Variants in AHI1 observed in about 807,000 individuals in gnomAD.
AHI1 encodes the protein Abelson helper integration site 1, also known as jouberin.
AHI1 carries 123 observed loss-of-function variants against 149.3 expected under a neutral mutation model. That is an observed-to-expected ratio of 0.82 (90% CI 0.71 to 0.96). AHI1 has a LOEUF of 0.96. Ranked by LOEUF, AHI1 falls within the 40% of genes least tolerant of loss-of-function variation. The pLI is 0.00. For missense variants in AHI1, 1,439 were observed against 1,422.7 expected, an observed-to-expected ratio of 1.01 and a Z score of -0.18; for synonymous variants, 475 against 459.8, an observed-to-expected ratio of 1.03 and a Z score of -0.42.
At chr6:135,303,826 C>T (rs1473608343) in intron 26 of AHI1, among the ~76,000 whole-genome samples, 2 of 152,192 alleles carry the variant, frequency 1.3e-5, no homozygotes, top group Non-Finnish European at 2.9e-5. Context: ...CCCCTGCTTC[C>T]CAACCCTATG....
rs559361374 is a variant in AHI1, at chr6:135,464,365, T to C, written c.750-1059A>G. Among the ~76,000 whole-genome samples the C allele has an allele frequency of 3.9e-5, 6 of 152,286 alleles. No individual in the cohort carries two copies. In the South Asian group the frequency reaches 1.2e-3, roughly 32 times the overall value. The stretch of plus-strand genomic sequence containing the variant: ...AGCTAACCCTATTTCATATTGACTA[T>C]GGCTTACCAGTCTACCACAGAGGTG... On this transcript the variant is annotated intron_variant, in intron 7 of 28. Transcript: ENST00000265602.
chr6:135,333,074 C>T (rs1450098840), intron 24 of AHI1, among the ~76,000 whole-genome samples: 1 of 152,196 alleles, frequency 6.6e-6, no homozygotes, highest in African/African-American at 2.4e-5. Context: ...CGAAGTTTTG[C>T]TCCACACATG....
Position 135,385,092 on chromosome 6 carries a change from C to A in AHI1, c.3109+9684G>T, listed in dbSNP as rs116507298. On this transcript the variant is annotated intron_variant, in intron 23 of 28. Transcript: ENST00000265602. The stretch of plus-strand genomic sequence containing the variant: ...CGACAGAGCAAGACACCATCCCCCC[C>A]ACCTCCCAAAAAAGTAAATTAATTA... Among the ~76,000 whole-genome samples, 1,095 of 152,124 alleles carry A rather than the reference C, an allele frequency of 7.2e-3. 18 individuals carry two copies. Among genetic ancestry groups the A allele is most frequent in the African/African-American group, 0.025 (1,037 of 41,496 alleles).
At chr6:135,465,679 T>C in intron 7 of AHI1, 135 bp downstream of exon 7, 1 of 649,430 alleles carries the variant, frequency 1.5e-6, no homozygotes, top group Non-Finnish European at 2.3e-6. Context: ...AAAAGTTAGC[T>C]GTTCTTATCT....
At chr6:135,289,603 C>T (rs1247579407) in intron 28 of AHI1, among the ~76,000 whole-genome samples, 1 of 151,930 alleles carries the variant, frequency 6.6e-6, no homozygotes, top group Non-Finnish European at 1.5e-5. Flanking sequence ...TTTTGACCTG[C>T]ATAATTTTAA....
At chr6:135,465,737 C>T (rs1790638175) in intron 7 of AHI1, 77 bp downstream of exon 7, 5 of 1,231,650 alleles carry the variant, frequency 4.1e-6, no homozygotes, top group Admixed American at 3.2e-5. Flanking sequence ...CTTTGTTAAA[C>T]CACAGATAAT....
At chr6:135,286,085 C>T (rs1316519807) in intron 28 of AHI1, among the ~76,000 whole-genome samples, 1 of 152,150 alleles carries the variant, frequency 6.6e-6, no homozygotes, top group Non-Finnish European at 1.5e-5. Context: ...TATTAAATAG[C>T]ATTCTTTCAT....
At position 135,364,856 on chromosome 6, in the gene AHI1, C is replaced by T. The variant is rs377764615; in HGVS notation, c.3110-6669G>A. Among the ~76,000 whole-genome samples, 140 of 152,198 alleles carry T rather than the reference C, an allele frequency of 9.2e-4. No individual in the cohort carries two copies. The East Asian group carries it at 0.023, about 25-fold the overall frequency. On this transcript the variant is annotated intron_variant, in intron 23 of 28. Coordinates refer to ENST00000265602, the MANE Select transcript of AHI1 (RefSeq NM_001134831.2). Reference sequence around the variant, plus strand: ...AGATGGCAGCAGTACCGTCCAGCTTCGGCTTGGCATCAGAGGGAGACCGTG... The same window carrying T: ...AGATGGCAGCAGTACCGTCCAGCTTTGGCTTGGCATCAGAGGGAGACCGTG...
rs189676574 is a variant in AHI1, at chr6:135,289,939, C to T, written c.3588+484G>A. 5.6e-3 allele frequency among the ~76,000 whole-genome samples: 857 copies of T among 152,040 alleles called. 2 individuals are homozygous for T. The highest frequency in any genetic ancestry group is 0.027 in the Middle Eastern group (8 of 294). The stretch of plus-strand genomic sequence containing the variant: ...CCATCCAAACACATTTTCCCACTGG[C>T]GTATCTCGGTGGAAAAAGTGGCCCA... On this transcript the variant is annotated intron_variant, in intron 28 of 28. Coordinates refer to ENST00000265602, the MANE Select transcript of AHI1 (RefSeq NM_001134831.2).
chr6:135,458,623 T>C (rs750703407), intron 8 of AHI1, among the ~76,000 whole-genome samples: 27 of 152,176 alleles, frequency 1.8e-4, no homozygotes, highest in Non-Finnish European at 3.2e-4. Context: ...CAGTTCTAGG[T>C]TGATAATCCA....
chr6:135,385,163 C>G (rs770374742), intron 23 of AHI1, among the ~76,000 whole-genome samples: 1 of 152,152 alleles, frequency 6.6e-6, no homozygotes, highest in Non-Finnish European at 1.5e-5. Context: ...ACACCAGCCT[C>G]TAGCTACCAT....
intron 14 of AHI1, among the ~76,000 whole-genome samples, chr6:135,438,943 T>G (rs559616636): frequency 6.6e-6 from 1 of 152,184 alleles, no homozygotes; most frequent in Non-Finnish European, 1.5e-5. Context: ...TAAATTTTAA[T>G]ACTAAAATGA....
At chr6:135,462,657 T>C (rs2128091599) in intron 8 of AHI1, among the ~76,000 whole-genome samples, 1 of 152,160 alleles carries the variant, frequency 6.6e-6, no homozygotes. Context: ...CCCCAGCATT[T>C]TGGGAGGCTG....
intron 8 of AHI1, among the ~76,000 whole-genome samples, chr6:135,461,117 A>T (rs1308325863): frequency 6.6e-6 from 1 of 151,888 alleles, no homozygotes; most frequent in Non-Finnish European, 1.5e-5. Context: ...GAGAGAAATA[A>T]TCAAACCAGA....
chr6:135,302,681 C>A, intron 26 of AHI1: 1 of 1,196,890 alleles, frequency 8.4e-7, no homozygotes, highest in Non-Finnish European at 1.1e-6. Flanking sequence ...TAACTAGGAC[C>A]AATATTTGAC....
chr6:135,457,090 C>T (rs941375625), intron 9 of AHI1, among the ~76,000 whole-genome samples: 7 of 151,840 alleles, frequency 4.6e-5, no homozygotes, highest in South Asian at 2.1e-4. Flanking sequence ...GTCAGGAGTT[C>T]GAGATCATCC....
chr6:135,327,500 T>G (rs1471259556), intron 24 of AHI1, among the ~76,000 whole-genome samples: 1 of 152,134 alleles, frequency 6.6e-6, no homozygotes, highest in African/African-American at 2.4e-5. Context: ...TATTTCACAG[T>G]GTGGTGTTAT....
intron 5 of AHI1, among the ~76,000 whole-genome samples, chr6:135,479,204 C>T (rs1384398430): frequency 1.3e-5 from 2 of 152,222 alleles, no homozygotes; most frequent in Non-Finnish European, 2.9e-5. Context: ...AGGGGCACTG[C>T]CTAGTAGATC....
At chr6:135,361,578 A>G (rs1244599009) in intron 23 of AHI1, among the ~76,000 whole-genome samples, 1 of 151,192 alleles carries the variant, frequency 6.6e-6, no homozygotes, top group East Asian at 1.9e-4. Flanking sequence ...TGAACGTAAC[A>G]CTTTTCCCCT....
Sources: gnomAD v4.1 joint callset for allele counts (sites outside exome capture counted in the v4.1 genomes callset) on GRCh38, gnomAD v4.1.1 for gene constraint, MANE v1.5 for transcripts, NCBI Gene and HGNC (gene_info 2026-07-23, HGNC 2026-07-21) for gene names.